ARHGEF3: variants seen among roughly 807,000 people sequenced by gnomAD.
The protein encoded by ARHGEF3 is Rho guanine nucleotide exchange factor 3.
Under a neutral mutation model 63.2 loss-of-function variants are expected in ARHGEF3, and 28 were observed. The ratio of observed to expected loss-of-function variants is 0.44; its 90% CI spans 0.33 to 0.61. The LOEUF (loss-of-function observed/expected upper bound fraction) is 0.61, where lower values mean the gene tolerates loss of function less well. ARHGEF3 is among the 20% of genes least tolerant of loss of function. ARHGEF3 has a pLI of 0.03. For missense variants in ARHGEF3, 533 were observed against 659.3 expected (o/e 0.81, Z 2.10); for synonymous variants, 266 against 254.2 (o/e 1.05, Z -0.44).
At chr3:57,026,561 G>A (rs11130564) in intron 2 of ARHGEF3, among the ~76,000 whole-genome samples, 60,451 of 151,980 alleles carry the variant, frequency 0.4, 12,857 homozygotes, top group Non-Finnish European at 0.47. Flanking sequence ...GAGGGAGACC[G>A]ACATGATGTA....
At chr3:56,944,305 C>T (rs1008272485) in intron 3 of ARHGEF3, among the ~76,000 whole-genome samples, 54 of 152,252 alleles carry the variant, frequency 3.5e-4, no homozygotes, top group African/African-American at 1.2e-3. Context: ...ATTCTAGATG[C>T]CATTAAGAAC....
chr3:57,045,680 C>T (rs1381308958), intron 1 of ARHGEF3, among the ~76,000 whole-genome samples: 1 of 152,156 alleles, frequency 6.6e-6, no homozygotes, highest in Non-Finnish European at 1.5e-5. Flanking sequence ...CAGATTTGCC[C>T]ACAGAGCTAG....
chr3:57,015,378 T>C (rs1702947995), intron 2 of ARHGEF3, among the ~76,000 whole-genome samples: 3 of 152,198 alleles, frequency 2.0e-5, no homozygotes, highest in African/African-American at 7.2e-5. Flanking sequence ...GGCCCCTCAC[T>C]TCACAGGACC....
At chr3:56,926,859 T>TA (rs921056324) in intron 3 of ARHGEF3, among the ~76,000 whole-genome samples, 1 of 143,972 alleles carries the variant, frequency 6.9e-6, no homozygotes, top group African/African-American at 2.5e-5. Context: ...GTTGGATGAA[T>TA]ACCCCGGGAG....
chr3:56,974,335 T>G (rs1159029542), intron 2 of ARHGEF3, among the ~76,000 whole-genome samples: 1 of 152,204 alleles, frequency 6.6e-6, no homozygotes, highest in Non-Finnish European at 1.5e-5. Flanking sequence ...GCTCTTCCCT[T>G]AACTAAAGAA....
At chr3:56,921,037 A>G (rs1274095645) in intron 3 of ARHGEF3, among the ~76,000 whole-genome samples, 2 of 135,486 alleles carry the variant, frequency 1.5e-5, no homozygotes, top group Non-Finnish European at 3.1e-5. Context: ...CCTGGGTGAC[A>G]GAGCGAGACT....
intron 2 of ARHGEF3, among the ~76,000 whole-genome samples, chr3:57,001,923 T>G (rs1219642895): frequency 1.5e-5 from 1 of 66,536 alleles, no homozygotes; most frequent in African/African-American, 6.3e-5. Context: ...TAGTTTTTTT[T>G]TTTTTTGTTT....
intron 4 of ARHGEF3, among the ~76,000 whole-genome samples, chr3:56,868,624 A>G (rs1276095785): frequency 6.6e-6 from 1 of 152,150 alleles, no homozygotes; most frequent in African/African-American, 2.4e-5. Context: ...CAGCCTCCAA[A>G]AGTGCTGGGA....
intron 2 of ARHGEF3, among the ~76,000 whole-genome samples, chr3:57,000,647 C>T (rs1310687475): frequency 6.6e-6 from 1 of 152,156 alleles, no homozygotes; most frequent in African/African-American, 2.4e-5. Context: ...ATTCTCCTGC[C>T]TCAGGCTCCA....
chr3:56,888,858 G>T (rs1302938407), intron 3 of ARHGEF3, among the ~76,000 whole-genome samples: 1 of 151,784 alleles, frequency 6.6e-6, no homozygotes, highest in Non-Finnish European at 1.5e-5. Flanking sequence ...AGCCGAGATC[G>T]CACCATTGCA....
At chr3:56,944,579 T>TTTTTC (rs1186354637) in intron 3 of ARHGEF3, among the ~76,000 whole-genome samples, 3 of 144,296 alleles carry the variant, frequency 2.1e-5, no homozygotes, top group Non-Finnish European at 4.6e-5. Context: ...TTTTTTTTTT[T>TTTTTC]TTTTTTTTTT....
chr3:57,036,448 T>C (rs1703966180), intron 1 of ARHGEF3, among the ~76,000 whole-genome samples: 1 of 152,084 alleles, frequency 6.6e-6, no homozygotes, highest in Non-Finnish European at 1.5e-5. Context: ...AATATTCCAG[T>C]GGCGTGGAGG....
chr3:57,071,962 C>A (rs1424809631), intron 1 of ARHGEF3, among the ~76,000 whole-genome samples: 1 of 152,046 alleles, frequency 6.6e-6, no homozygotes, highest in Non-Finnish European at 1.5e-5. Context: ...AGATAAAAGA[C>A]CAAATATACA....
chr3:56,793,554 C>T (rs1263277766), intron 1 of ARHGEF3, among the ~76,000 whole-genome samples: 2 of 152,148 alleles, frequency 1.3e-5, no homozygotes, highest in African/African-American at 2.4e-5. Context: ...CCGCCCGCCT[C>T]GGCTTCCCAA....
intron 6 of ARHGEF3, among the ~76,000 whole-genome samples, chr3:56,745,694 C>A (rs906527029): frequency 6.6e-6 from 1 of 151,380 alleles, no homozygotes; most frequent in African/African-American, 2.4e-5. Flanking sequence ...TTTTTTGAGA[C>A]GGAGTCTCGC....
chr3:57,034,292 A>T (rs1341844695), intron 2 of ARHGEF3, among the ~76,000 whole-genome samples: 1 of 124,612 alleles, frequency 8.0e-6, no homozygotes, highest in Admixed American at 7.9e-5. Context: ...CACTACCACA[A>T]ATGGCTTAAA....
chr3:56,750,963 AT>A (rs1390301808), intron 6 of ARHGEF3, 92 bp downstream of exon 6: 5 of 908,382 alleles, frequency 5.5e-6, no homozygotes, highest in African/African-American at 3.5e-5. Context: ...TTGTAAAAAA[AT>A]AAAAATAAAA....
chr3:56,883,929 G>A (rs6445835), intron 3 of ARHGEF3, among the ~76,000 whole-genome samples: 121,895 of 152,120 alleles, frequency 0.8, 49,362 homozygotes, highest in African/African-American at 0.89. Flanking sequence ...TATTACTATA[G>A]TTGTTCTATT....
chr3:57,078,805 G>C (rs1262252801), intron 1 of ARHGEF3: 1 of 156,026 alleles, frequency 6.4e-6, no homozygotes, highest in Admixed American at 6.5e-5. Context: ...CGCGGGGCTG[G>C]AGAAGAAAGT....
Sources: gnomAD v4.1 joint callset for allele counts (sites outside exome capture counted in the v4.1 genomes callset) on GRCh38, gnomAD v4.1.1 for gene constraint, MANE v1.5 for transcripts, NCBI Gene and HGNC (gene_info 2026-07-23, HGNC 2026-07-21) for gene names.